Variants in PRKAG2 observed in about 807,000 individuals in gnomAD.
PRKAG2 encodes the protein 5'-AMP-activated protein kinase subunit gamma-2.
In PRKAG2, 26 loss-of-function variants were observed where a neutral mutation model predicts 69.6. The ratio of observed to expected loss-of-function variants is 0.37; its 90% CI spans 0.27 to 0.52. PRKAG2 has a LOEUF of 0.52. Ranked by LOEUF, PRKAG2 falls within the 20% of genes least tolerant of loss-of-function variation. PRKAG2 has a pLI of 0.90. For synonymous variants in PRKAG2, 293 were observed against 285.0 expected, an observed-to-expected ratio of 1.03 and a Z score of -0.28; for missense variants, 557 against 740.0, an observed-to-expected ratio of 0.75 and a Z score of 2.87.
At chr7:151,784,285 C>T (rs960626290) in intron 2 of PRKAG2, among the ~76,000 whole-genome samples, 2 of 152,164 alleles carry the variant, frequency 1.3e-5, no homozygotes, top group African/African-American at 4.8e-5. Context: ...TGGACGTGCT[C>T]TGTTTACAGC....
intron 3 of PRKAG2, among the ~76,000 whole-genome samples, chr7:151,741,075 C>T (rs530492410): frequency 1.4e-4 from 21 of 152,198 alleles, no homozygotes; most frequent in South Asian, 2.1e-4. Context: ...ACACCTGGTG[C>T]GGTGGCTCAC....
chr7:151,710,972 G>T (rs1446353418), intron 3 of PRKAG2, among the ~76,000 whole-genome samples: 2 of 152,118 alleles, frequency 1.3e-5, no homozygotes, highest in Admixed American at 6.5e-5. Flanking sequence ...AGCAGTACTA[G>T]CCCTAGAGTA....
rs980597163 is a variant in PRKAG2 at position 151,752,940 on chromosome 7, C to T, written c.466+28212G>A. On this transcript the variant is annotated intron_variant, in intron 3 of 15. Transcript: ENST00000287878. ...GCAGACGCCCCCTTCACCAAGTGAC[C>T]GGCGTCCACTTCACCGGAAAGGTGT... 5.3e-5 allele frequency among the ~76,000 whole-genome samples: 8 copies of T among 152,202 alleles called. No individual in the cohort carries two copies. The East Asian group carries it at 5.8e-4, about 11-fold the overall frequency.
chr7:151,617,288 G>A (rs1175903896), intron 5 of PRKAG2, among the ~76,000 whole-genome samples: 4 of 131,968 alleles, frequency 3.0e-5, no homozygotes, highest in African/African-American at 1.3e-4. Context: ...GGGAAAGAGG[G>A]AGGGGGGGAG....
chr7:151,737,875 C>T (rs938617062), intron 3 of PRKAG2, among the ~76,000 whole-genome samples: 1 of 152,196 alleles, frequency 6.6e-6, no homozygotes, highest in Non-Finnish European at 1.5e-5. Context: ...GCTCCCACCC[C>T]AGATCTGCCA....
At chr7:151,678,550 CCCT>C (rs1434124006) in intron 3 of PRKAG2, among the ~76,000 whole-genome samples, 1 of 152,168 alleles carries the variant, frequency 6.6e-6, no homozygotes, top group Non-Finnish European at 1.5e-5. Context: ...GAGTGGAAAG[CCCT>C]CTGGAAGCCC....
At chr7:151,876,213 G>A (rs2080399376) in intron 1 of PRKAG2, among the ~76,000 whole-genome samples, 1 of 151,850 alleles carries the variant, frequency 6.6e-6, no homozygotes, top group African/African-American at 2.4e-5. Context: ...GCTGGATACC[G>A]GGCTACGCCC....
intron 2 of PRKAG2, among the ~76,000 whole-genome samples, chr7:151,783,529 A>G (rs2076838715): frequency 6.6e-6 from 1 of 151,962 alleles, no homozygotes; most frequent in Non-Finnish European, 1.5e-5. Context: ...TTTAATATGA[A>G]AAGCATTTAG....
rs750475269 is a variant in PRKAG2 at position 151,565,712 on chromosome 7, A to G, written c.1399+8T>C. 3 of 1,612,128 alleles carry G rather than the reference A, an allele frequency of 1.9e-6. No homozygotes were observed. Among genetic ancestry groups the G allele is most frequent in the Admixed American group, 3.3e-5 (2 of 60,014 alleles). On this transcript the variant is annotated splice_region_variant and intron_variant, in intron 12 of 15. Coordinates refer to ENST00000287878, the MANE Select transcript of PRKAG2 (RefSeq NM_016203.4). ...TTATTTCTGCCTGTCAGCGCCAAAC[A>G]CACAAACCTGACTCATCCACAACAG... is the stretch of plus-strand genomic sequence containing the variant.
At chr7:151,789,554 A>G (rs2077172616) in intron 1 of PRKAG2, among the ~76,000 whole-genome samples, 1 of 147,064 alleles carries the variant, frequency 6.8e-6, no homozygotes, top group African/African-American at 2.7e-5. Context: ...TCATCACGTC[A>G]GCCCCCTGCT....
chr7:151,806,956 C>T (rs1329922035), intron 1 of PRKAG2: 5 of 451,840 alleles, frequency 1.1e-5, no homozygotes, highest in South Asian at 6.4e-5. Context: ...AAAAAAAAAG[C>T]CAGGCCTCCT....
intron 4 of PRKAG2, among the ~76,000 whole-genome samples, chr7:151,652,849 G>C (rs1828768374): frequency 2.0e-5 from 3 of 152,014 alleles, no homozygotes; most frequent in Non-Finnish European, 4.4e-5. Flanking sequence ...GAACTCCTGG[G>C]CTCAAGCGAT....
Position 151,570,178 on chromosome 7 carries a change from C to A in PRKAG2, c.1099G>T (p.Asp367Tyr). ...AAAAAAAAACAAGTTTACCTTGCAT[C>A]TGGAGATATATTCACTAAAGGCTTA... ...TFKPLVNISPDASLFDAVYSL... is the reference protein window; with the variant it reads ...TFKPLVNISPYASLFDAVYSL... The change falls in exon 10 of 16, where the codon GAT becomes TAT. Residue 367 changes from aspartate to tyrosine, a missense_variant. Coordinates refer to ENST00000287878, the MANE Select transcript of PRKAG2 (RefSeq NM_016203.4). The A allele has an allele frequency of 6.3e-7, 1 of 1,599,660 alleles. No homozygotes were observed. Among genetic ancestry groups the A allele is most frequent in the Non-Finnish European group, 8.5e-7 (1 of 1,171,420 alleles).
intron 5 of PRKAG2, among the ~76,000 whole-genome samples, chr7:151,618,766 A>AAAAAT (rs1201120112): frequency 6.6e-6 from 1 of 152,238 alleles, no homozygotes; most frequent in South Asian, 2.1e-4. Context: ...TTCCGTCTCA[A>AAAAAT]AAAATAAAAT....
chr7:151,746,964 T>C (rs973143519), intron 3 of PRKAG2, among the ~76,000 whole-genome samples: 2 of 152,228 alleles, frequency 1.3e-5, no homozygotes, highest in Non-Finnish European at 2.9e-5. Context: ...ATTTTCTCAG[T>C]AACAATTTAC....
At chr7:151,581,158 A>G (rs1292893906) in intron 6 of PRKAG2, among the ~76,000 whole-genome samples, 1 of 152,260 alleles carries the variant, frequency 6.6e-6, no homozygotes, top group African/African-American at 2.4e-5. Flanking sequence ...TAGTTTGTTA[A>G]ATCGAGTGAA....
chr7:151,787,209 T>C (rs1396119882), intron 1 of PRKAG2, among the ~76,000 whole-genome samples: 1 of 152,304 alleles, frequency 6.6e-6, no homozygotes, highest in East Asian at 1.9e-4. Flanking sequence ...TTAGTTGTGG[T>C]AAAATACACA....
chr7:151,557,856 G>A, intron 15 of PRKAG2: 1 of 930,866 alleles, frequency 1.1e-6, no homozygotes, highest in Non-Finnish European at 1.3e-6. Flanking sequence ...TGGTTGACAA[G>A]AGTGAAACTC....
chr7:151,762,852 C>T (rs905866021), intron 3 of PRKAG2, among the ~76,000 whole-genome samples: 7 of 152,292 alleles, frequency 4.6e-5, no homozygotes, highest in East Asian at 1.9e-4. Context: ...ATGCCCACAG[C>T]GCGGCTCCCT....
Sources: allele counts gnomAD v4.1 joint callset (sites outside exome capture counted in the v4.1 genomes callset), GRCh38; gene constraint gnomAD v4.1.1; transcripts MANE v1.5; gene names NCBI Gene and HGNC (gene_info 2026-07-23, HGNC 2026-07-21).